Variants in CCDC142 observed in about 807,000 individuals in gnomAD.
CCDC142 encodes the protein coiled-coil domain-containing protein 142.
A neutral mutation model predicts 83.8 loss-of-function variants in CCDC142; 67 were observed. The ratio of observed to expected loss-of-function variants is 0.80; its 90% CI spans 0.66 to 0.98. The LOEUF (loss-of-function observed/expected upper bound fraction) is 0.98, where lower values mean the gene tolerates loss of function less well. Among genes scored for constraint, CCDC142 ranks in the 50% least tolerant of loss-of-function variants. CCDC142 has a pLI of 0.00. For missense variants in CCDC142, 905 were observed against 946.8 expected, an observed-to-expected ratio of 0.96 and a Z score of 0.58; for synonymous variants, 421 against 421.2, an observed-to-expected ratio of 1.00 and a Z score of 0.01.
In CCDC142 at chr2:74,482,817, T is replaced by C. The variant is rs201599378; in HGVS notation, c.21A>G (p.Ser7=). Residue 7 remains serine (S), a synonymous_variant, in exon 1 of 9, where the codon TCA becomes TCG. Transcript: ENST00000393965. This position sits in a 1 kb window ranked among gnomAD's most constrained non-coding sequence, Gnocchi z 5.0. MAQASR[S]GSLPPLVIVP... ...CGATAACGAGTGGAGGCAGGCTACC[T>C]GAGCGAGACGCCTGGGCCATGGGGC... is the stretch of plus-strand genomic sequence containing the variant. The C allele has an allele frequency of 5.6e-6, 9 of 1,599,298 alleles. No homozygotes were observed. In the East Asian group the frequency reaches 1.1e-4, roughly 20 times the overall value.
chr2:74,481,108 T>C (rs933670040), intron 3 of CCDC142, 22 bp from the exon 4 acceptor site: 2 of 1,608,632 alleles, frequency 1.2e-6, no homozygotes, highest in Non-Finnish European at 1.7e-6. Flanking sequence ...AGCAGCAGAG[T>C]GAGTATCTTA....
Position 74,480,857 on chromosome 2 carries a change from A to C in CCDC142, c.1415T>G (p.Leu472Trp), listed in dbSNP as rs771158655. 1.2e-6 allele frequency: 2 copies of C among 1,613,940 alleles called. No homozygotes were observed. Among genetic ancestry groups the C allele is most frequent in the African/African-American group, 2.7e-5 (2 of 75,042 alleles). Residue 472 changes from leucine (L) to tryptophan (W), a missense_variant, in exon 5 of 9, where the codon TTG (leucine) becomes TGG (tryptophan). Coordinates refer to ENST00000393965, the MANE Select transcript of CCDC142 (RefSeq NM_001365575.2). Reference sequence around the variant, plus strand: ...GCTTTCCTCTGAGGCCAGGCTATACAAAGCTTCTGCCTCATGCAACAGAGG... The same window carrying C: ...GCTTTCCTCTGAGGCCAGGCTATACCAAGCTTCTGCCTCATGCAACAGAGG... ...LPPLLHEAEA[L>W]YSLASEESLA... is the part of the protein sequence containing the mutation.
At chr2:74,476,273 A>G (rs974641165) in intron 5 of CCDC142, among the ~76,000 whole-genome samples, 1 of 152,266 alleles carries the variant, frequency 6.6e-6, no homozygotes, top group Non-Finnish European at 1.5e-5. Flanking sequence ...CCCGGGTTCA[A>G]GTGATTCTCC....
rs751549336 is a variant in CCDC142 at position 74,474,688 on chromosome 2, T to G, written c.2111A>C (p.Gln704Pro). ...GTSPAQTGQL[Q>P]STLGGRGPSP... ...AGGTCCCCTTCCTCCTAGTGTGCTT[T>G]GCAGCTGACCTGTCTGGGCTGGAGA... The change falls in exon 9 of 9, where the codon CAA becomes CCA. Residue 704 changes from glutamine to proline, a missense_variant. Transcript: ENST00000393965. 6.2e-7 allele frequency: 1 copy of G among 1,614,238 alleles called. No homozygotes were observed. The highest frequency in any genetic ancestry group is 2.2e-5 in the East Asian group (1 of 44,878).
intron 5 of CCDC142, among the ~76,000 whole-genome samples, chr2:74,478,383 T>G (rs542112240): frequency 6.9e-6 from 1 of 145,642 alleles, no homozygotes; most frequent in African/African-American, 2.5e-5. Context: ...TTGTTTTCTG[T>G]TTTTTTTTTG....
chr2:74,475,576 G>T, intron 6 of CCDC142, 36 bp downstream of exon 6: 1 of 1,565,350 alleles, frequency 6.4e-7, no homozygotes, highest in Non-Finnish European at 8.8e-7. Context: ...TTACCCCCTT[G>T]GAACTCTGGA....
chr2:74,481,676 G>C, intron 1 of CCDC142, 138 bp from the exon 2 acceptor site: 2 of 1,369,732 alleles, frequency 1.5e-6, no homozygotes, highest in Non-Finnish European at 2.0e-6. Flanking sequence ...TGCCTTGAAA[G>C]CTCAGAAGCT....
chr2:74,481,704 G>A lies in CCDC142; in HGVS notation c.1021+113C>T, dbSNP rs76984619. 6.6e-4 allele frequency: 919 copies of A among 1,402,356 alleles called. 2 individuals are homozygous for A. The African/African-American group carries it at 0.011, about 17-fold the overall frequency. 86.9% of individuals were successfully genotyped at this position (1,402,356 alleles called of 1,614,324 possible). A position where few individuals can be genotyped will look rare whatever the true frequency, so the allele number is the denominator to read the frequency against. On this transcript the variant is annotated intron_variant, in intron 1 of 8. Coordinates refer to ENST00000393965, the MANE Select transcript of CCDC142 (RefSeq NM_001365575.2). The stretch of plus-strand genomic sequence containing the variant: ...CAGAAGCTATAGTCTGAACCCAGGG[G>A]TGTTCTTTCTAAAGGGCCTGCTTTT...
In CCDC142 at chr2:74,482,813, T is replaced by G; in HGVS notation, c.25A>C (p.Ser9Arg). 2 of 1,599,590 alleles carry G rather than the reference T, an allele frequency of 1.3e-6. No homozygotes were observed. The highest frequency in any genetic ancestry group is 1.7e-6 in the Non-Finnish European group (2 of 1,179,850). MAQASRSG[S>R]LPPLVIVPPL... Reference sequence around the variant, plus strand: ...GGCACGATAACGAGTGGAGGCAGGCTACCTGAGCGAGACGCCTGGGCCATG... The same window carrying G: ...GGCACGATAACGAGTGGAGGCAGGCGACCTGAGCGAGACGCCTGGGCCATG... Residue 9 changes from serine (S) to arginine (R), a missense_variant, in exon 1 of 9, where the codon AGC (serine) becomes CGC (arginine). By Grantham distance (110) the Ser-to-Arg change is moderately radical (BLOSUM62 -1). This residue lies in a region of CCDC142 where 591 missense variants were observed against 571.4 expected (regional missense o/e 1.03). Coordinates refer to ENST00000393965, the MANE Select transcript of CCDC142 (RefSeq NM_001365575.2). The surrounding 1 kb of genome is among the most constrained non-coding windows in gnomAD (Gnocchi z 5.0).
rs1672227712 is a variant in CCDC142, at chr2:74,473,112, G to A, written c.*1434C>T. On this transcript the variant is annotated 3_prime_UTR_variant, in exon 9 of 9. Coordinates refer to ENST00000393965, the MANE Select transcript of CCDC142 (RefSeq NM_001365575.2). ...GGTAAACACCATTCAGGTAACTGAA[G>A]ATTAAACGTAGTGAGCTCTGAATAG... 1 of 232,480 alleles carries A rather than the reference G, an allele frequency of 4.3e-6. No individual in the cohort carries two copies. Among genetic ancestry groups the A allele is most frequent in the South Asian group, 4.9e-5 (1 of 20,220 alleles). The allele number at this position is 232,480 out of a possible 1,614,324, so 14.4% of individuals were successfully genotyped here. A position where few individuals can be genotyped will look rare whatever the true frequency, so the allele number is the denominator to read the frequency against.
chr2:74,482,988 G>T lies in CCDC142; in HGVS notation c.-151C>A. ...CATGGACTCTCTCGTGCTCCGTAAT[G>T]GGAGGCTTCTGCCCCTAACAAACAT... On this transcript the variant is annotated 5_prime_UTR_variant, in exon 1 of 9. Coordinates refer to ENST00000393965, the MANE Select transcript of CCDC142 (RefSeq NM_001365575.2). This position sits in a 1 kb window ranked among gnomAD's most constrained non-coding sequence, Gnocchi z 5.0. 6.3e-7 allele frequency: 1 copy of T among 1,578,978 alleles called. No homozygotes were observed. Among genetic ancestry groups the T allele is most frequent in the South Asian group, 1.1e-5 (1 of 90,144 alleles).
rs1672264815 is a variant in CCDC142 at position 74,474,472 on chromosome 2, G to T, written c.*74C>A. The T allele has an allele frequency of 6.7e-7, 1 of 1,485,800 alleles. No homozygotes were observed. The highest frequency in any genetic ancestry group is 9.0e-7 in the Non-Finnish European group (1 of 1,116,312). The allele number at this position is 1,485,800 out of a possible 1,614,324, so 92.0% of individuals were successfully genotyped here. A position where few individuals can be genotyped will look rare whatever the true frequency, so the allele number is the denominator to read the frequency against. ...TTCCAGTTCTGGGCTTCCTTAATAT[G>T]CAATTCCAAATGTCTGGATTTTCCA... On this transcript the variant is annotated 3_prime_UTR_variant, in exon 9 of 9. Coordinates refer to ENST00000393965, the MANE Select transcript of CCDC142 (RefSeq NM_001365575.2).
At chr2:74,478,722 A>T (rs185650915) in intron 5 of CCDC142, among the ~76,000 whole-genome samples, 8,673 of 151,574 alleles carry the variant, frequency 0.057, 641 homozygotes, top group African/African-American at 0.17. Flanking sequence ...AAAAAAAAAA[A>T]TTTTTTTAAG....
intron 1 of CCDC142, 131 bp downstream of exon 1, chr2:74,481,686 T>C: frequency 7.2e-7 from 1 of 1,383,498 alleles, no homozygotes; most frequent in Non-Finnish European, 1.0e-6. Context: ...GCTCAGAAGC[T>C]ATAGTCTGAA....
Position 74,482,356 on chromosome 2 carries a change from G to T in CCDC142, c.482C>A (p.Thr161Asn), listed in dbSNP as rs764525424. 13 of 1,593,288 alleles carry T rather than the reference G, an allele frequency of 8.2e-6. No homozygotes were observed. The African/African-American group carries it at 1.5e-4, about 18-fold the overall frequency. The change falls in exon 1 of 9, where the codon ACT becomes AAT. Residue 161 changes from threonine (T) to asparagine (N), a missense_variant. Around this residue, in one of 3 missense-constraint regions of CCDC142, gnomAD observed 591 missense variants for 571.4 expected, o/e 1.03. Transcript: ENST00000393965. This position sits in a 1 kb window ranked among gnomAD's most constrained non-coding sequence, Gnocchi z 5.0. ...GCGCGCTAGCAGCAGCGGCTCGAGA[G>T]TCTCCCCAGGGCCGATTCGCAGAAC... is the stretch of plus-strand genomic sequence containing the variant. ...GAVLRIGPGE[T>N]LEPLLLARPI...
At chr2:74,478,064 A>G (rs28627164) in intron 5 of CCDC142, among the ~76,000 whole-genome samples, 3,444 of 147,484 alleles carry the variant, frequency 0.023, 147 homozygotes, top group African/African-American at 0.08. Flanking sequence ...AATAAAATAT[A>G]TATATATACT....
chr2:74,476,012 AAAAG>A (rs1335019209), intron 5 of CCDC142, among the ~76,000 whole-genome samples: 5 of 149,156 alleles, frequency 3.4e-5, no homozygotes, highest in Admixed American at 2.7e-4. Context: ...GCTTTAAGGA[AAAAG>A]AAAGACATAC....
rs1672268299 is a variant in CCDC142, at chr2:74,474,593, A to G, written c.2206T>C (p.Trp736Arg). Reference sequence around the variant, plus strand: ...AGGCAGGAAAAAAACGGCAGGTGCCAACGGGGTCGCTGGTGTTGCCTGAGG... The same window carrying G: ...AGGCAGGAAAAAAACGGCAGGTGCCGACGGGGTCGCTGGTGTTGCCTGAGG... ...LALRQHQRPRWHLPFFSCLGT... is the reference protein window; with the variant it reads ...LALRQHQRPRRHLPFFSCLGT... The change falls in exon 9 of 9, where the codon TGG becomes CGG. Residue 736 changes from tryptophan (W) to arginine (R), a missense_variant. Transcript: ENST00000393965. 1 of 1,613,984 alleles carries G rather than the reference A, an allele frequency of 6.2e-7. No individual in the cohort carries two copies. Among genetic ancestry groups the G allele is most frequent in the Admixed American group, 1.7e-5 (1 of 59,984 alleles).
chr2:74,477,667 G>A (rs907141920), intron 5 of CCDC142, among the ~76,000 whole-genome samples: 3 of 152,110 alleles, frequency 2.0e-5, no homozygotes, highest in Admixed American at 6.6e-5. Flanking sequence ...GCCATGTATG[G>A]AGCGTTCTTT....
Sources: allele counts gnomAD v4.1 joint callset (sites outside exome capture counted in the v4.1 genomes callset), GRCh38; gene constraint gnomAD v4.1.1; regional missense constraint gnomAD v4.1.1; non-coding constraint Gnocchi (gnomAD v3.1); transcripts MANE v1.5; gene names NCBI Gene and HGNC (gene_info 2026-07-23, HGNC 2026-07-21).